The following TCF21 variants were observed in gnomAD, a reference collection of about 807,000 sequenced individuals.
TCF21 encodes the protein capsulin.
Under a neutral mutation model 13.5 loss-of-function variants are expected in TCF21, and 3 were observed. That is an observed-to-expected ratio of 0.22 (90% CI 0.10 to 0.57). The LOEUF is 0.57. Ranked by LOEUF, TCF21 falls within the 20% of genes least tolerant of loss-of-function variation. The probability of loss-of-function intolerance (pLI) is 0.92; values close to 1 mark genes in which losing one functional copy is unlikely to be tolerated. For synonymous variants in TCF21, 92 were observed against 101.7 expected, an observed-to-expected ratio of 0.90 and a Z score of 0.57; for missense variants, 181 against 238.4, an observed-to-expected ratio of 0.76 and a Z score of 1.59.
chr6:133,889,839 G>A lies in TCF21; in HGVS notation c.442G>A (p.Val148Ile), dbSNP rs2114560894. 1 of 1,612,798 alleles carries A rather than the reference G, an allele frequency of 6.2e-7. No individual in the cohort carries two copies. The highest frequency in any genetic ancestry group is 2.2e-5 in the East Asian group (1 of 44,864). ...DKYENGYIHP[V>I]NLTWPFMVAG... ...ATACGAGAACGGGTACATTCACCCG[G>A]TCAACCTGGTGAGTGCTCCCGGGGC... Residue 148 changes from valine to isoleucine, a missense_variant, in exon 1 of 2, where the codon GTC becomes ATC. Val to Ile is a conservative substitution (Grantham distance 29). Around this residue, in one of 3 missense-constraint regions of TCF21, gnomAD observed 55 missense variants for 59.5 expected, o/e 0.92. Transcript: ENST00000367882. This position sits in a 1 kb window ranked among gnomAD's most constrained non-coding sequence, Gnocchi z 5.1.
rs1366589009 is a variant in TCF21, at chr6:133,889,321, C to G, written c.-77C>G. ...CCTCTTGGTTTCAGGGTCTCTCTGT[C>G]TCTCTCTCACCCTCTTCCTCGCTTT... On this transcript the variant is annotated 5_prime_UTR_variant, in exon 1 of 2. Coordinates refer to ENST00000367882, the MANE Select transcript of TCF21 (RefSeq NM_003206.4). This position sits in a 1 kb window ranked among gnomAD's most constrained non-coding sequence, Gnocchi z 5.1. 50 of 1,573,922 alleles carry G rather than the reference C, an allele frequency of 3.2e-5. No individual in the cohort carries two copies. The highest frequency in any genetic ancestry group is 4.2e-5 in the Non-Finnish European group (48 of 1,152,960).
intron 1 of TCF21, 109 bp from the exon 2 acceptor site, chr6:133,891,604 A>G (rs1775217909): frequency 1.7e-6 from 2 of 1,184,748 alleles, no homozygotes; most frequent in South Asian, 1.3e-5. Context: ...CGGTCTCTCC[A>G]GAGCACCGCC....
At chr6:133,890,129 G>A (rs1775185512) in intron 1 of TCF21, among the ~76,000 whole-genome samples, 1 of 152,328 alleles carries the variant, frequency 6.6e-6, no homozygotes, top group African/African-American at 2.4e-5. Flanking sequence ...GCACAGAGGA[G>A]GGATCCCCCG....
chr6:133,891,696 C>T lies in TCF21; in HGVS notation c.451-17C>T. The T allele has an allele frequency of 6.2e-7, 1 of 1,613,798 alleles. No homozygotes were observed. The highest frequency in any genetic ancestry group is 8.5e-7 in the Non-Finnish European group (1 of 1,179,932). Reference sequence around the variant, plus strand: ...CGCCACGGCCACTTACCTCCTCCACCCTCTTCTTTCCCGCAGACGTGGCCC... The same window carrying T: ...CGCCACGGCCACTTACCTCCTCCACTCTCTTCTTTCCCGCAGACGTGGCCC... On this transcript the variant is annotated splice_polypyrimidine_tract_variant and intron_variant, in intron 1 of 1. Coordinates refer to ENST00000367882, the MANE Select transcript of TCF21 (RefSeq NM_003206.4).
rs937955508 is a variant in TCF21 at position 133,889,917 on chromosome 6, C to T, written c.450+70C>T. The T allele has an allele frequency of 1.0e-4, 161 of 1,563,842 alleles. No homozygotes were observed. Among genetic ancestry groups the T allele is most frequent in the Admixed American group, 8.6e-4 (51 of 59,536 alleles). ...CTCCCGCCTGCGGTGGGCGCGAGTG[C>T]GCGCGGGGCTGGGAGTGGGGGTGTG... On this transcript the variant is annotated intron_variant, in intron 1 of 1. Coordinates refer to ENST00000367882, the MANE Select transcript of TCF21 (RefSeq NM_003206.4). The surrounding 1 kb of genome is among the most constrained non-coding windows in gnomAD (Gnocchi z 5.1).
At chr6:133,891,091 A>G (rs1363290234) in intron 1 of TCF21, among the ~76,000 whole-genome samples, 1 of 152,246 alleles carries the variant, frequency 6.6e-6, no homozygotes, top group Non-Finnish European at 1.5e-5. Flanking sequence ...TCCAGCATGA[A>G]GACGATCTTA....
At chr6:133,891,198 CG>C (rs984481851) in intron 1 of TCF21, among the ~76,000 whole-genome samples, 2 of 152,060 alleles carry the variant, frequency 1.3e-5, no homozygotes, top group African/African-American at 4.8e-5. Context: ...ATGGAAGAAA[CG>C]AAAGTCGGAC....
chr6:133,894,244 C>G (rs1775267249), downstream of TCF21: 2 of 152,184 alleles, frequency 1.3e-5, no homozygotes, highest in South Asian at 4.1e-4. Flanking sequence ...CTTTCTCTCT[C>G]TCTTTCTGTC....
In TCF21 at chr6:133,889,921, C is replaced by T; in HGVS notation, c.450+74C>T. The T allele has an allele frequency of 6.4e-7, 1 of 1,552,098 alleles. No homozygotes were observed. The highest frequency in any genetic ancestry group is 2.2e-5 in the East Asian group (1 of 44,466). On this transcript the variant is annotated intron_variant, in intron 1 of 1. Coordinates refer to ENST00000367882, the MANE Select transcript of TCF21 (RefSeq NM_003206.4). This position sits in a 1 kb window ranked among gnomAD's most constrained non-coding sequence, Gnocchi z 5.1. ...CGCCTGCGGTGGGCGCGAGTGCGCGCGGGGCTGGGAGTGGGGGTGTGGGCG... is the reference window on the plus strand; with the variant it reads ...CGCCTGCGGTGGGCGCGAGTGCGCGTGGGGCTGGGAGTGGGGGTGTGGGCG...
Position 133,889,440 on chromosome 6 carries a change from G to T in TCF21, c.43G>T (p.Val15Leu), listed in dbSNP as rs1722302311. 6.2e-7 allele frequency: 1 copy of T among 1,614,138 alleles called. No homozygotes were observed. Among genetic ancestry groups the T allele is most frequent in the Non-Finnish European group, 8.5e-7 (1 of 1,180,034 alleles). The part of the protein sequence containing the change: ...SLSDVEDLQE[V>L]EMLECDGLKM... Reference sequence around the variant, plus strand: ...CAGCGATGTGGAGGACCTTCAAGAGGTGGAGATGTTGGAATGTGACGGGTT... The same window carrying T: ...CAGCGATGTGGAGGACCTTCAAGAGTTGGAGATGTTGGAATGTGACGGGTT... Residue 15 changes from valine (V) to leucine (L), a missense_variant, in exon 1 of 2, where the codon GTG (valine) becomes TTG (leucine). Coordinates refer to ENST00000367882, the MANE Select transcript of TCF21 (RefSeq NM_003206.4). This position sits in a 1 kb window ranked among gnomAD's most constrained non-coding sequence, Gnocchi z 5.1.
intron 1 of TCF21, among the ~76,000 whole-genome samples, chr6:133,891,454 T>C (rs1340652343): frequency 6.6e-6 from 1 of 152,222 alleles, no homozygotes; most frequent in Non-Finnish European, 1.5e-5. Context: ...AGGAACCCAG[T>C]ATAAGCCCTT....
In TCF21 at chr6:133,889,346, T is replaced by C; in HGVS notation, c.-52T>C. 1.9e-6 allele frequency: 3 copies of C among 1,593,300 alleles called. No individual in the cohort carries two copies. Among genetic ancestry groups the C allele is most frequent in the Non-Finnish European group, 2.6e-6 (3 of 1,170,768 alleles). On this transcript the variant is annotated 5_prime_UTR_variant, in exon 1 of 2. Transcript: ENST00000367882. This position sits in a 1 kb window ranked among gnomAD's most constrained non-coding sequence, Gnocchi z 5.1. ...CTCTCTCTCACCCTCTTCCTCGCTT[T>C]CTCTGTCTCTCTGTCTCTCTCTCTC...
Position 133,889,891 on chromosome 6 carries a change from A to T in TCF21, c.450+44A>T, listed in dbSNP as rs755940412. 4 of 1,606,778 alleles carry T rather than the reference A, an allele frequency of 2.5e-6. No individual in the cohort carries two copies. The highest frequency in any genetic ancestry group is 3.4e-6 in the Non-Finnish European group (4 of 1,175,550). On this transcript the variant is annotated intron_variant, in intron 1 of 1. Coordinates refer to ENST00000367882, the MANE Select transcript of TCF21 (RefSeq NM_003206.4). This position sits in a 1 kb window ranked among gnomAD's most constrained non-coding sequence, Gnocchi z 5.1. ...GCAGCTGCAGTCCAGGCGCGCCCGC[A>T]CTCCCGCCTGCGGTGGGCGCGAGTG...
At chr6:133,894,806 T>A (rs1466429661), downstream of TCF21, 1 of 152,246 alleles carries the variant, frequency 6.6e-6, no homozygotes, top group Non-Finnish European at 1.5e-5. Context: ...GGGTCGGGGA[T>A]GTTAAGGGTG....
Position 133,889,939 on chromosome 6 carries a change from T to C in TCF21, c.450+92T>C. ...GTGCGCGCGGGGCTGGGAGTGGGGG[T>C]GTGGGCGCGGCGGTGACTTACACAT... On this transcript the variant is annotated intron_variant, in intron 1 of 1. Transcript: ENST00000367882. The surrounding 1 kb of genome is among the most constrained non-coding windows in gnomAD (Gnocchi z 5.1). The C allele has an allele frequency of 1.4e-6, 2 of 1,434,498 alleles. No individual in the cohort carries two copies. The highest frequency in any genetic ancestry group is 4.6e-5 in the East Asian group (2 of 43,372). 88.9% of individuals were successfully genotyped at this position (1,434,498 alleles called of 1,614,324 possible). A position where few individuals can be genotyped will look rare whatever the true frequency, so the allele number is the denominator to read the frequency against.
Position 133,892,102 on chromosome 6 carries a change from A to C in TCF21, c.*300A>C, listed in dbSNP as rs74322630. On this transcript the variant is annotated 3_prime_UTR_variant, in exon 2 of 2. Coordinates refer to ENST00000367882, the MANE Select transcript of TCF21 (RefSeq NM_003206.4). ...TAAATATATAAATAGATAAGAGCCT[A>C]TCAATGTATCTTTTGTACAATATGT... The C allele has an allele frequency of 7.7e-6, 2 of 258,896 alleles. No individual in the cohort carries two copies. Among genetic ancestry groups the C allele is most frequent in the East Asian group, 1.3e-4 (2 of 14,824 alleles). The allele number at this position is 258,896 out of a possible 1,614,324, so 16.0% of individuals were successfully genotyped here. A position where few individuals can be genotyped will look rare whatever the true frequency, so the allele number is the denominator to read the frequency against.
chr6:133,890,680 C>T (rs968852585), intron 1 of TCF21, among the ~76,000 whole-genome samples: 1 of 152,002 alleles, frequency 6.6e-6, no homozygotes, highest in African/African-American at 2.4e-5. Flanking sequence ...TATTTTAAAA[C>T]TTCTAAGATC....
At chr6:133,895,121 G>A (rs891275001), downstream of TCF21, 8 of 152,024 alleles carry the variant, frequency 5.3e-5, no homozygotes, top group East Asian at 3.9e-4. Context: ...ATTCTAAAAA[G>A]AGAAGTGATA....
At chr6:133,891,299 G>A (rs928072870) in intron 1 of TCF21, among the ~76,000 whole-genome samples, 5 of 152,212 alleles carry the variant, frequency 3.3e-5, no homozygotes, top group Admixed American at 6.5e-5. Context: ...AGGGCGCTTC[G>A]CCCCGAACTC....
Sources: allele counts gnomAD v4.1 joint callset (sites outside exome capture counted in the v4.1 genomes callset), GRCh38; gene constraint gnomAD v4.1.1; regional missense constraint gnomAD v4.1.1; non-coding constraint Gnocchi (gnomAD v3.1); transcripts MANE v1.5; gene names NCBI Gene and HGNC (gene_info 2026-07-23, HGNC 2026-07-21).